The following ARSB variants were observed in gnomAD, a reference collection of about 807,000 sequenced individuals.
The protein encoded by ARSB is arylsulfatase B.
In ARSB, 41 loss-of-function variants were observed where a neutral mutation model predicts 50.9. That is an observed-to-expected ratio of 0.81 (90% CI 0.63 to 1.04). The LOEUF is 1.04. Among genes scored for constraint, ARSB ranks in the 50% least tolerant of loss-of-function variants. The pLI is 0.00. For synonymous variants in ARSB, 269 were observed against 284.8 expected (o/e 0.94, Z 0.56); for missense variants, 672 against 693.3 (o/e 0.97, Z 0.35).
intron 4 of ARSB, among the ~76,000 whole-genome samples, chr5:78,950,507 G>A (rs886370675): frequency 6.6e-6 from 1 of 152,154 alleles, no homozygotes; most frequent in Non-Finnish European, 1.5e-5. Context: ...CAATAGGCAG[G>A]AAAAGAGAAG....
chr5:78,803,049 A>C (rs1743452327), intron 6 of ARSB, among the ~76,000 whole-genome samples: 1 of 152,162 alleles, frequency 6.6e-6, no homozygotes, highest in Non-Finnish European at 1.5e-5. Context: ...TGAGGAAGGG[A>C]CATCTAGGTC....
intron 6 of ARSB, among the ~76,000 whole-genome samples, chr5:78,830,893 G>A (rs1744640376): frequency 6.6e-6 from 1 of 152,166 alleles, no homozygotes; most frequent in East Asian, 1.9e-4. Flanking sequence ...CCTAGTACAG[G>A]CAGGCACGGA....
chr5:78,961,994 T>C (rs1177697217), intron 3 of ARSB, among the ~76,000 whole-genome samples: 6 of 152,176 alleles, frequency 3.9e-5, no homozygotes, highest in African/African-American at 1.2e-4. Context: ...TGGTCAGGAC[T>C]GAAATCATTA....
At chr5:78,908,131 C>T (rs1446801261) in intron 4 of ARSB, among the ~76,000 whole-genome samples, 4 of 152,024 alleles carry the variant, frequency 2.6e-5, no homozygotes, top group African/African-American at 7.3e-5. Flanking sequence ...ATGAGGTGTG[C>T]GCAGATGCAA....
At position 78,894,746 on chromosome 5, in the gene ARSB, C is replaced by T. The variant is rs188699861; in HGVS notation, c.899-8919G>A. Reference sequence around the variant, plus strand: ...TAATCAATAATAACAAGAACCTCTTCGGATCTGCAGATAACACTTGCTCCA... The same window carrying T: ...TAATCAATAATAACAAGAACCTCTTTGGATCTGCAGATAACACTTGCTCCA... On this transcript the variant is annotated intron_variant, in intron 4 of 7. Coordinates refer to ENST00000264914, the MANE Select transcript of ARSB (RefSeq NM_000046.5). 2.8e-4 allele frequency among the ~76,000 whole-genome samples: 42 copies of T among 152,318 alleles called. 1 individual carries two copies. Among genetic ancestry groups the T allele is most frequent in the Admixed American group, 2.5e-3 (38 of 15,304 alleles).
At chr5:78,961,960 A>C (rs1428226470) in intron 3 of ARSB, among the ~76,000 whole-genome samples, 1 of 152,138 alleles carries the variant, frequency 6.6e-6, no homozygotes, top group Non-Finnish European at 1.5e-5. Flanking sequence ...ATTTCTTATA[A>C]GTTTCCCAGA....
intron 4 of ARSB, among the ~76,000 whole-genome samples, chr5:78,912,621 G>A (rs1413722325): frequency 6.6e-6 from 1 of 152,192 alleles, no homozygotes; most frequent in Non-Finnish European, 1.5e-5. Context: ...GGTGGGTCAG[G>A]AAGCACAGCA....
At chr5:78,813,293 A>G (rs1188288924) in intron 6 of ARSB, among the ~76,000 whole-genome samples, 1 of 152,032 alleles carries the variant, frequency 6.6e-6, no homozygotes, top group East Asian at 1.9e-4. Flanking sequence ...TGAACTCCTG[A>G]CCTCAGGAGA....
At chr5:78,887,759 C>T (rs1411216676) in intron 4 of ARSB, among the ~76,000 whole-genome samples, 1 of 152,152 alleles carries the variant, frequency 6.6e-6, no homozygotes, top group African/African-American at 2.4e-5. Context: ...GTGTGACACC[C>T]CAGGCCTCTG....
chr5:78,885,548 T>C, intron 5 of ARSB, 36 bp downstream of exon 5: 1 of 1,608,264 alleles, frequency 6.2e-7, no homozygotes, highest in South Asian at 1.1e-5. Flanking sequence ...TCTTGGAGTT[T>C]CTGTCCTGGG....
chr5:78,881,978 C>T (rs1448707148), intron 5 of ARSB, among the ~76,000 whole-genome samples: 1 of 152,194 alleles, frequency 6.6e-6, no homozygotes, highest in Non-Finnish European at 1.5e-5. Flanking sequence ...CATATAGAAA[C>T]ATGATTGGAT....
intron 5 of ARSB, among the ~76,000 whole-genome samples, chr5:78,870,225 T>C (rs1224662104): frequency 6.9e-6 from 1 of 144,478 alleles, no homozygotes; most frequent in Non-Finnish European, 1.5e-5. Flanking sequence ...AGCCGAATTC[T>C]ACCAGAGGTA....
At chr5:78,939,456 C>T (rs181103033) in intron 4 of ARSB, among the ~76,000 whole-genome samples, 65 of 152,136 alleles carry the variant, frequency 4.3e-4, no homozygotes, top group Non-Finnish European at 6.6e-4. Context: ...CAACAGGCCC[C>T]GGTGTGTGAT....
intron 6 of ARSB, among the ~76,000 whole-genome samples, chr5:78,830,004 G>C (rs1744600793): frequency 6.6e-6 from 1 of 152,176 alleles, no homozygotes; most frequent in African/African-American, 2.4e-5. Flanking sequence ...GAGGCTCCAG[G>C]GTGGAAGACG....
At chr5:78,834,442 C>A (rs1267010482) in intron 6 of ARSB, among the ~76,000 whole-genome samples, 1 of 151,650 alleles carries the variant, frequency 6.6e-6, no homozygotes, top group Non-Finnish European at 1.5e-5. Flanking sequence ...TATTTTCTGT[C>A]CCTATGAATC....
chr5:78,964,452 C>G lies in ARSB; in HGVS notation c.654G>C (p.Arg218Ser). The G allele has an allele frequency of 6.2e-7, 1 of 1,613,928 alleles. No individual in the cohort carries two copies. Among genetic ancestry groups the G allele is most frequent in the Non-Finnish European group, 8.5e-7 (1 of 1,179,898 alleles). Residue 218 changes from arginine (R) to serine (S), a missense_variant, in exon 3 of 8, where the codon AGG becomes AGC. By Grantham distance (110) the Arg-to-Ser change is moderately radical. Transcript: ENST00000264914. ...GATGGTTAGTTATGAGGGCTATAGC[C>G]CTTTTGGTGAATATGTTTGTTGAAT... ...NMYSTNIFTKRAIALITNHPP... is the reference protein window; with the variant it reads ...NMYSTNIFTKSAIALITNHPP...
At chr5:78,889,974 T>C (rs553629368) in intron 4 of ARSB, among the ~76,000 whole-genome samples, 1 of 152,184 alleles carries the variant, frequency 6.6e-6, no homozygotes, top group East Asian at 1.9e-4. Flanking sequence ...CCTGGACATC[T>C]CTTTGAACAC....
chr5:78,863,439 G>A (rs11955485), intron 5 of ARSB, among the ~76,000 whole-genome samples: 7,452 of 152,108 alleles, frequency 0.049, 587 homozygotes, highest in African/African-American at 0.17. Flanking sequence ...AAAAAAGGAC[G>A]AGTTCATGTC....
intron 6 of ARSB, among the ~76,000 whole-genome samples, chr5:78,791,856 A>C (rs1283321058): frequency 6.6e-6 from 1 of 152,206 alleles, no homozygotes; most frequent in African/African-American, 2.4e-5. Context: ...TTGAAGATGA[A>C]AAAAGCCCCT....
Sources: gnomAD v4.1 joint callset for allele counts (sites outside exome capture counted in the v4.1 genomes callset) on GRCh38, gnomAD v4.1.1 for gene constraint, MANE v1.5 for transcripts, NCBI Gene and HGNC (gene_info 2026-07-23, HGNC 2026-07-21) for gene names.